Variants in OR6Q1 observed in about 807,000 individuals in gnomAD.
OR6Q1 encodes olfactory receptor 6Q1.
For synonymous variants in OR6Q1, 144 were observed against 148.9 expected (o/e 0.97, Z 0.24); for missense variants, 387 against 381.7 (o/e 1.01, Z -0.12).
rs1853027484 is a variant in OR6Q1, at chr11:58,031,029, A to T, written c.77A>T (p.His26Leu). ...GGCTTTGCTGGCATCCATGAAGCAC[A>T]CCTCCTCTTCTTCATACTCTTCCTC... ...MMGFAGIHEA[H>L]LLFFILFLTM... is the part of the protein sequence containing the mutation. Residue 26 changes from histidine (H) to leucine (L), a missense_variant, in exon 1 of 1, where the codon CAC becomes CTC. His to Leu is a moderately conservative substitution (Grantham distance 99, BLOSUM62 -3). Transcript: ENST00000302622. 1.2e-6 allele frequency: 2 copies of T among 1,613,710 alleles called. No individual in the cohort carries two copies. Among genetic ancestry groups the T allele is most frequent in the South Asian group, 2.2e-5 (2 of 91,066 alleles).
At position 58,031,806 on chromosome 11, in the gene OR6Q1, T is replaced by C. The variant is rs1358792762; in HGVS notation, c.854T>C (p.Val285Ala). 1.2e-6 allele frequency: 2 copies of C among 1,614,094 alleles called. No homozygotes were observed. The highest frequency in any genetic ancestry group is 3.3e-4 in the Middle Eastern group (2 of 6,062). ...NKVVSVFYSVVTPMLNPLIYS... is the reference protein window; with the variant it reads ...NKVVSVFYSVATPMLNPLIYS... ...GTGGTATCTGTCTTCTACTCTGTTG[T>C]CACGCCCATGCTCAATCCTCTCATC... Residue 285 changes from valine (V) to alanine (A), a missense_variant, in exon 1 of 1, where the codon GTC becomes GCC. Transcript: ENST00000302622.
At position 58,031,388 on chromosome 11, in the gene OR6Q1, A is replaced by G; in HGVS notation, c.436A>G (p.Ile146Val). ...YGAFVSWGTC[I>V]RLAAACWLVG... ...GGCTTTTGTGTCCTGGGGCACCTGC[A>G]TCCGTCTGGCAGCTGCCTGTTGGCT... Residue 146 changes from isoleucine to valine, a missense_variant, in exon 1 of 1, where the codon ATC (isoleucine) becomes GTC (valine). Coordinates refer to ENST00000302622, the MANE Select transcript of OR6Q1 (RefSeq NM_001005186.2). 1.2e-6 allele frequency: 2 copies of G among 1,614,150 alleles called. No homozygotes were observed. Among genetic ancestry groups the G allele is most frequent in the Non-Finnish European group, 1.7e-6 (2 of 1,180,014 alleles).
Position 58,031,446 on chromosome 11 carries a change from A to C in OR6Q1, c.494A>C (p.Tyr165Ser), listed in dbSNP as rs775972156. 1 of 1,613,884 alleles carries C rather than the reference A, an allele frequency of 6.2e-7. No homozygotes were observed. Among genetic ancestry groups the C allele is most frequent in the Non-Finnish European group, 8.5e-7 (1 of 1,179,948 alleles). The change falls in exon 1 of 1, where the codon TAC becomes TCC. Residue 165 changes from tyrosine to serine, a missense_variant. Tyr to Ser is a moderately radical substitution (Grantham distance 144). Coordinates refer to ENST00000302622, the MANE Select transcript of OR6Q1 (RefSeq NM_001005186.2). ...TTCCTCACACCCATCTTGCCAATCTACCTCTTGTCTCAGCTAACATTTTAT... is the reference window on the plus strand; with the variant it reads ...TTCCTCACACCCATCTTGCCAATCTCCCTCTTGTCTCAGCTAACATTTTAT... Reference protein sequence around the residue: ...VGFLTPILPIYLLSQLTFYGP... With the variant: ...VGFLTPILPISLLSQLTFYGP...
In OR6Q1 at chr11:58,031,446, A is replaced by G. The variant is rs775972156; in HGVS notation, c.494A>G (p.Tyr165Cys). 1.9e-6 allele frequency: 3 copies of G among 1,613,766 alleles called. No homozygotes were observed. The highest frequency in any genetic ancestry group is 2.5e-6 in the Non-Finnish European group (3 of 1,179,956). ...TTCCTCACACCCATCTTGCCAATCT[A>G]CCTCTTGTCTCAGCTAACATTTTAT... ...VGFLTPILPIYLLSQLTFYGP... is the reference protein window; with the variant it reads ...VGFLTPILPICLLSQLTFYGP... The change falls in exon 1 of 1, where the codon TAC (tyrosine) becomes TGC (cysteine). Residue 165 changes from tyrosine (Y) to cysteine (C), a missense_variant. Coordinates refer to ENST00000302622, the MANE Select transcript of OR6Q1 (RefSeq NM_001005186.2).
chr11:58,031,166 G>A lies in OR6Q1; in HGVS notation c.214G>A (p.Glu72Lys). 1 of 1,614,170 alleles carries A rather than the reference G, an allele frequency of 6.2e-7. No homozygotes were observed. The highest frequency in any genetic ancestry group is 8.5e-7 in the Non-Finnish European group (1 of 1,180,026). Reference protein sequence around the residue: ...YFFLTHLSCLEIWYTSVTVPK... With the variant: ...YFFLTHLSCLKIWYTSVTVPK... ...CTTCCTGACACACTTGTCCTGCCTT[G>A]AAATCTGGTACACTTCTGTTACAGT... Residue 72 changes from glutamate to lysine, a missense_variant, in exon 1 of 1, where the codon GAA (glutamate) becomes AAA (lysine). Transcript: ENST00000302622.
chr11:58,031,313 G>T lies in OR6Q1; in HGVS notation c.361G>T (p.Ala121Ser), dbSNP rs771792414. Reference sequence around the variant, plus strand: ...GGCAACTGAGTGTTTCCTACTGGCTGCCATGGCCTATGATCGTTATGTGGC... The same window carrying T: ...GGCAACTGAGTGTTTCCTACTGGCTTCCATGGCCTATGATCGTTATGTGGC... ...LGATECFLLAAMAYDRYVAIC... is the reference protein window; with the variant it reads ...LGATECFLLASMAYDRYVAIC... Residue 121 changes from alanine to serine, a missense_variant, in exon 1 of 1, where the codon GCC becomes TCC. Physicochemically the swap from Ala to Ser is moderately conservative, Grantham distance 99. Coordinates refer to ENST00000302622, the MANE Select transcript of OR6Q1 (RefSeq NM_001005186.2). 6 of 1,614,118 alleles carry T rather than the reference G, an allele frequency of 3.7e-6. No homozygotes were observed. In the South Asian group the frequency reaches 6.6e-5, roughly 18 times the overall value.
At position 58,031,228 on chromosome 11, in the gene OR6Q1, T is replaced by C; in HGVS notation, c.276T>C (p.Gly92=). Residue 92 remains glycine (G), a synonymous_variant, in exon 1 of 1, where the codon GGT becomes GGC. Transcript: ENST00000302622. ...TGGCTGGTTTTATTGGGGTGGATGG[T>C]GGCAAGAATATCTCTTATGCTGATT... The part of the protein sequence containing the change: ...KMLAGFIGVD[G]GKNISYADCL... The C allele has an allele frequency of 6.2e-7, 1 of 1,614,180 alleles. No individual in the cohort carries two copies. The highest frequency in any genetic ancestry group is 1.7e-5 in the Admixed American group (1 of 60,018).
Position 58,031,391 on chromosome 11 carries a change from C to A in OR6Q1, c.439C>A (p.Arg147Ser), listed in dbSNP as rs141178751. ...GAFVSWGTCI[R>S]LAAACWLVGF... ...TTTTGTGTCCTGGGGCACCTGCATC[C>A]GTCTGGCAGCTGCCTGTTGGCTGGT... The change falls in exon 1 of 1, where the codon CGT (arginine) becomes AGT (serine). Residue 147 changes from arginine (R) to serine (S), a missense_variant. Arg to Ser is a moderately radical substitution (Grantham distance 110). Transcript: ENST00000302622. 5 of 1,614,184 alleles carry A rather than the reference C, an allele frequency of 3.1e-6. No homozygotes were observed. The highest frequency in any genetic ancestry group is 3.4e-6 in the Non-Finnish European group (4 of 1,180,022).
rs759571152 is a variant in OR6Q1, at chr11:58,031,236, A to C, written c.284A>C (p.Asn95Thr). ...AGFIGVDGGK[N>T]ISYADCLSQL... The stretch of plus-strand genomic sequence containing the variant: ...TTTATTGGGGTGGATGGTGGCAAGA[A>C]TATCTCTTATGCTGATTGCCTATCC... Residue 95 changes from asparagine to threonine, a missense_variant, in exon 1 of 1, where the codon AAT becomes ACT. Transcript: ENST00000302622. The C allele has an allele frequency of 1.9e-6, 3 of 1,614,050 alleles. No individual in the cohort carries two copies. The East Asian group carries it at 6.7e-5, about 36-fold the overall frequency.
At position 58,031,312 on chromosome 11, in the gene OR6Q1, T is replaced by C. The variant is rs374371863; in HGVS notation, c.360T>C (p.Ala120=). ...GGGCAACTGAGTGTTTCCTACTGGC[T>C]GCCATGGCCTATGATCGTTATGTGG... ...FLGATECFLL[A]AMAYDRYVAI... is the part of the protein sequence containing the mutation. Residue 120 remains alanine (A), a synonymous_variant, in exon 1 of 1, where the codon GCT becomes GCC. Coordinates refer to ENST00000302622, the MANE Select transcript of OR6Q1 (RefSeq NM_001005186.2). 4.3e-6 allele frequency: 7 copies of C among 1,614,078 alleles called. No individual in the cohort carries two copies. In the African/African-American group the frequency reaches 9.3e-5, roughly 22 times the overall value.
Position 58,031,383 on chromosome 11 carries a change from C to T in OR6Q1, c.431C>T (p.Thr144Ile). The change falls in exon 1 of 1, where the codon ACC becomes ATC. Residue 144 changes from threonine to isoleucine, a missense_variant. By Grantham distance (89) the Thr-to-Ile change is moderately conservative. Transcript: ENST00000302622. Reference protein sequence around the residue: ...LHYGAFVSWGTCIRLAAACWL... With the variant: ...LHYGAFVSWGICIRLAAACWL... The stretch of plus-strand genomic sequence containing the variant: ...TATGGGGCTTTTGTGTCCTGGGGCA[C>T]CTGCATCCGTCTGGCAGCTGCCTGT... The T allele has an allele frequency of 1.2e-6, 2 of 1,614,202 alleles. No individual in the cohort carries two copies. Among genetic ancestry groups the T allele is most frequent in the Non-Finnish European group, 1.7e-6 (2 of 1,180,030 alleles).
Position 58,031,427 on chromosome 11 carries a change from A to T in OR6Q1, c.475A>T (p.Thr159Ser). Residue 159 changes from threonine to serine, a missense_variant, in exon 1 of 1, where the codon ACA becomes TCA. Transcript: ENST00000302622. ...TGCCTGTTGGCTGGTAGGTTTCCTC[A>T]CACCCATCTTGCCAATCTACCTCTT... ...AAACWLVGFL[T>S]PILPIYLLSQ... The T allele has an allele frequency of 6.2e-7, 1 of 1,614,016 alleles. No individual in the cohort carries two copies. Among genetic ancestry groups the T allele is most frequent in the Non-Finnish European group, 8.5e-7 (1 of 1,179,946 alleles).
chr11:58,031,653 C>T lies in OR6Q1; in HGVS notation c.701C>T (p.Ser234Leu), dbSNP rs1327195663. 9.9e-6 allele frequency: 16 copies of T among 1,613,776 alleles called. No individual in the cohort carries two copies. The highest frequency in any genetic ancestry group is 1.4e-5 in the Non-Finnish European group (16 of 1,179,822). ...NIVWTLLHIRSAAERWKAFST... is the reference protein window; with the variant it reads ...NIVWTLLHIRLAAERWKAFST... The stretch of plus-strand genomic sequence containing the variant: ...GTCTGGACACTGCTGCACATCCGCT[C>T]AGCTGCTGAGCGCTGGAAGGCCTTC... The change falls in exon 1 of 1, where the codon TCA becomes TTA. Residue 234 changes from serine to leucine, a missense_variant. Physicochemically the swap from Ser to Leu is moderately radical, Grantham distance 145 (BLOSUM62 -2). Coordinates refer to ENST00000302622, the MANE Select transcript of OR6Q1 (RefSeq NM_001005186.2).
chr11:58,031,034 C>A lies in OR6Q1; in HGVS notation c.82C>A (p.Leu28Ile), dbSNP rs752381897. Reference sequence around the variant, plus strand: ...TGCTGGCATCCATGAAGCACACCTCCTCTTCTTCATACTCTTCCTCACCAT... The same window carrying A: ...TGCTGGCATCCATGAAGCACACCTCATCTTCTTCATACTCTTCCTCACCAT... Reference protein sequence around the residue: ...GFAGIHEAHLLFFILFLTMYL... With the variant: ...GFAGIHEAHLIFFILFLTMYL... The change falls in exon 1 of 1, where the codon CTC becomes ATC. Residue 28 changes from leucine to isoleucine, a missense_variant. Transcript: ENST00000302622. The A allele has an allele frequency of 3.1e-6, 5 of 1,614,098 alleles. No homozygotes were observed. Among genetic ancestry groups the A allele is most frequent in the South Asian group, 2.2e-5 (2 of 91,084 alleles).
Position 58,031,273 on chromosome 11 carries a change from C to T in OR6Q1, c.321C>T (p.Ile107=). 6.2e-7 allele frequency: 1 copy of T among 1,614,160 alleles called. No homozygotes were observed. The highest frequency in any genetic ancestry group is 8.5e-7 in the Non-Finnish European group (1 of 1,180,016). ...CTGATTGCCTATCCCAGCTCTTCAT[C>T]TTCACCTTTCTTGGGGCAACTGAGT... ...SYADCLSQLF[I]FTFLGATECF... The change falls in exon 1 of 1, where the codon ATC becomes ATT. Residue 107 remains isoleucine (I), a synonymous_variant. Coordinates refer to ENST00000302622, the MANE Select transcript of OR6Q1 (RefSeq NM_001005186.2).
chr11:58,031,535 G>C lies in OR6Q1; in HGVS notation c.583G>C (p.Asp195His), dbSNP rs1157246454. The C allele has an allele frequency of 6.2e-7, 1 of 1,614,092 alleles. No homozygotes were observed. The highest frequency in any genetic ancestry group is 1.6e-4 in the Middle Eastern group (1 of 6,062). ...ASPLLALSCS[D>H]VTWKETVDFL... Reference sequence around the variant, plus strand: ...ACCCTTGCTAGCCTTGTCGTGCTCAGATGTCACTTGGAAGGAGACTGTGGA... The same window carrying C: ...ACCCTTGCTAGCCTTGTCGTGCTCACATGTCACTTGGAAGGAGACTGTGGA... The change falls in exon 1 of 1, where the codon GAT (aspartate) becomes CAT (histidine). Residue 195 changes from aspartate (D) to histidine (H), a missense_variant. Physicochemically the swap from Asp to His is moderately conservative, Grantham distance 81. Coordinates refer to ENST00000302622, the MANE Select transcript of OR6Q1 (RefSeq NM_001005186.2).
chr11:58,031,876 C>A lies in OR6Q1; in HGVS notation c.924C>A (p.Val308=), dbSNP rs778924969. Residue 308 remains valine (V), a synonymous_variant, in exon 1 of 1, where the codon GTC becomes GTA. Transcript: ENST00000302622. The stretch of plus-strand genomic sequence containing the variant: ...AAGTGAAGGGAGCTCTGGGTCGAGT[C>A]TTTTCTCTCAACTTTTGGAAGGGAC... ...NKEVKGALGR[V]FSLNFWKGQ The A allele has an allele frequency of 6.2e-7, 1 of 1,612,734 alleles. No homozygotes were observed. Among genetic ancestry groups the A allele is most frequent in the Non-Finnish European group, 8.5e-7 (1 of 1,178,990 alleles).
Position 58,031,446 on chromosome 11 carries a change from A to AC in OR6Q1, c.496dup (p.Leu166ProfsTer14). The AC allele has an allele frequency of 6.2e-7, 1 of 1,613,884 alleles. No homozygotes were observed. Among genetic ancestry groups the AC allele is most frequent in the South Asian group, 1.1e-5 (1 of 91,062 alleles). ...TTCCTCACACCCATCTTGCCAATCT[A>AC]CCTCTTGTCTCAGCTAACATTTTAT... is the stretch of plus-strand genomic sequence containing the variant. On this transcript the variant is annotated frameshift_variant, in exon 1 of 1. Transcript: ENST00000302622. LOFTEE classifies it low-confidence loss of function (END_TRUNC).
In OR6Q1 at chr11:58,031,801, T is replaced by A. The variant is rs773726703; in HGVS notation, c.849T>A (p.Ser283=). Residue 283 remains serine, a synonymous_variant, in exon 1 of 1, where the codon TCT becomes TCA. Transcript: ENST00000302622. ...NFNKVVSVFY[S]VVTPMLNPLI... ...ACAAGGTGGTATCTGTCTTCTACTC[T>A]GTTGTCACGCCCATGCTCAATCCTC... is the stretch of plus-strand genomic sequence containing the variant. The A allele has an allele frequency of 1.2e-6, 2 of 1,614,102 alleles. No homozygotes were observed. The highest frequency in any genetic ancestry group is 2.2e-5 in the South Asian group (2 of 91,076).
Sources: allele counts gnomAD v4.1 joint callset, GRCh38; gene constraint gnomAD v4.1.1; transcripts MANE v1.5; gene names NCBI Gene and HGNC (gene_info 2026-07-23, HGNC 2026-07-21).